Variants in FAT1 observed in about 807,000 individuals in gnomAD.
The protein encoded by FAT1 is protocadherin Fat 1.
FAT1 carries 171 observed loss-of-function variants against 329.8 expected under a neutral mutation model. That is an observed-to-expected ratio of 0.52 (90% confidence interval 0.46 to 0.59). The LOEUF is 0.59. FAT1 is among the 20% of genes least tolerant of loss of function. The pLI, the probability that FAT1 is intolerant of heterozygous loss-of-function variation, is 0.00. For synonymous variants in FAT1, 2,233 were observed against 2,228.6 expected (o/e 1.00, Z -0.06); for missense variants, 5,672 against 5,774.4 (o/e 0.98, Z 0.57).
chr4:186,698,726 G>C (rs1744153250), intron 2 of FAT1, among the ~76,000 whole-genome samples: 1 of 152,252 alleles, frequency 6.6e-6, no homozygotes, highest in Non-Finnish European at 1.5e-5. Flanking sequence ...TTAAATGGGA[G>C]AGCAGGGAGG....
intron 2 of FAT1, among the ~76,000 whole-genome samples, chr4:186,671,304 A>G (rs919375437): frequency 6.6e-6 from 1 of 152,200 alleles, no homozygotes; most frequent in Non-Finnish European, 1.5e-5. Context: ...TTTACTGTAA[A>G]ATAATAAAAA....
intron 26 of FAT1, among the ~76,000 whole-genome samples, chr4:186,593,224 C>T (rs981811468): frequency 6.6e-6 from 1 of 152,060 alleles, no homozygotes; most frequent in Non-Finnish European, 1.5e-5. Flanking sequence ...TGTTTTTGTC[C>T]CTGTTCTGAT....
intron 13 of FAT1, among the ~76,000 whole-genome samples, chr4:186,612,332 T>C (rs1447361399): frequency 5.3e-5 from 8 of 152,244 alleles, no homozygotes; most frequent in African/African-American, 1.9e-4. Context: ...ATCACATCTG[T>C]TTATCATTGA....
In FAT1 at chr4:186,639,792, T is replaced by C; in HGVS notation, c.3581-9A>G. On this transcript the variant is annotated splice_polypyrimidine_tract_variant and intron_variant, in intron 3 of 26. Coordinates refer to ENST00000441802, the MANE Select transcript of FAT1 (RefSeq NM_005245.4). ...CGTAGTTGTGATGAGACCTGTAAAA[T>C]GATAACAGTTCATTAATCCTCACAA... 3.1e-6 allele frequency: 5 copies of C among 1,607,064 alleles called. No homozygotes were observed. The highest frequency in any genetic ancestry group is 3.4e-6 in the Non-Finnish European group (4 of 1,174,750).
intron 11 of FAT1, 40 bp downstream of exon 11, chr4:186,616,965 G>C (rs1453393796): frequency 6.4e-7 from 1 of 1,555,644 alleles, no homozygotes; most frequent in Middle Eastern, 1.7e-4. Context: ...TTAAGAAATT[G>C]AAATTCATAA....
chr4:186,714,994 C>T (rs768517990), intron 1 of FAT1, among the ~76,000 whole-genome samples: 6 of 152,052 alleles, frequency 3.9e-5, no homozygotes, highest in East Asian at 1.9e-4. Flanking sequence ...AGGAGAATCG[C>T]GTGAACAAGG....
chr4:186,674,525 AC>A (rs1332399624), intron 2 of FAT1, among the ~76,000 whole-genome samples: 34 of 152,328 alleles, frequency 2.2e-4, no homozygotes, highest in African/African-American at 7.7e-4. Flanking sequence ...AACAGGCAAC[AC>A]ATCCACCAAG....
chr4:186,616,714 C>T (rs896977258), intron 11 of FAT1, among the ~76,000 whole-genome samples: 2 of 152,132 alleles, frequency 1.3e-5, no homozygotes, highest in Non-Finnish European at 2.9e-5. Context: ...AGCTGTATCC[C>T]CATATTAAGA....
chr4:186,712,820 T>C lies in FAT1; in HGVS notation c.-18-2975A>G, dbSNP rs552901031. On this transcript the variant is annotated intron_variant, in intron 1 of 26. Coordinates refer to ENST00000441802, the MANE Select transcript of FAT1 (RefSeq NM_005245.4). The stretch of plus-strand genomic sequence containing the variant: ...CAGCTGTGATGACTAAAAATACCTC[T>C]ATCTCGAGACATTGCCAAACACCCT... Among the ~76,000 whole-genome samples the C allele has an allele frequency of 5.0e-5, 5 of 100,884 alleles. No individual in the cohort carries two copies. In the South Asian group the frequency reaches 2.0e-3, roughly 41 times the overall value. 66.2% of individuals were successfully genotyped at this position (100,884 alleles called of 152,430 possible). A position where few individuals can be genotyped will look rare whatever the true frequency, so the allele number is the denominator to read the frequency against.
intron 3 of FAT1, among the ~76,000 whole-genome samples, chr4:186,660,306 C>A (rs1742109921): frequency 6.6e-6 from 1 of 152,124 alleles, no homozygotes; most frequent in Non-Finnish European, 1.5e-5. Context: ...GGATCACACC[C>A]CAACTTTCTG....
At chr4:186,669,182 T>C (rs1001351405) in intron 2 of FAT1, among the ~76,000 whole-genome samples, 3 of 152,170 alleles carry the variant, frequency 2.0e-5, no homozygotes, top group African/African-American at 4.8e-5. Context: ...AAACACAGCA[T>C]GCGGCCAGAA....
At chr4:186,611,818 AGTT>A in intron 13 of FAT1, 43 bp from the exon 14 acceptor site, 1 of 1,478,238 alleles carries the variant, frequency 6.8e-7, no homozygotes, top group Non-Finnish European at 9.1e-7. Context: ...TAAATAAAAA[AGTT>A]TAACACTTTT....
intron 9 of FAT1, 134 bp downstream of exon 9, chr4:186,628,020 G>T: frequency 2.2e-6 from 2 of 921,868 alleles, no homozygotes; most frequent in Non-Finnish European, 3.2e-6. Flanking sequence ...ATGTAAAATT[G>T]TATCTAGAGA....
chr4:186,707,875 T>G lies in FAT1; in HGVS notation c.1953A>C (p.Glu651Asp), dbSNP rs1270552627. ...HSLRITATDG[E>D]NFATPLYINI... is the part of the protein sequence containing the mutation. The stretch of plus-strand genomic sequence containing the variant: ...TGATATATAATGGTGTGGCAAAATT[T>G]TCTCCATCTGTAGCTGTGATTCTCA... Residue 651 changes from glutamate to aspartate, a missense_variant, in exon 2 of 27, where the codon GAA becomes GAC. Glu to Asp is a conservative substitution (Grantham distance 45, BLOSUM62 2). Around this residue, in one of 2 missense-constraint regions of FAT1, gnomAD observed 3,966 missense variants for 3,915.2 expected, o/e 1.01. Transcript: ENST00000441802. 3 of 1,613,854 alleles carry G rather than the reference T, an allele frequency of 1.9e-6. No homozygotes were observed. The highest frequency in any genetic ancestry group is 2.5e-6 in the Non-Finnish European group (3 of 1,179,916).
At chr4:186,631,105 C>A (rs1740562615) in intron 7 of FAT1, among the ~76,000 whole-genome samples, 1 of 152,182 alleles carries the variant, frequency 6.6e-6, no homozygotes, top group Non-Finnish European at 1.5e-5. Context: ...CTCACCTAAA[C>A]CTTCTCAAAT....
chr4:186,659,706 C>T (rs571754876), intron 3 of FAT1, among the ~76,000 whole-genome samples: 5,569 of 140,704 alleles, frequency 0.04, 108 homozygotes, highest in Middle Eastern at 0.087. Context: ...CGACGCTGGG[C>T]GCTCCTGCAC....
At chr4:186,712,193 T>C (rs1056532431) in intron 1 of FAT1, among the ~76,000 whole-genome samples, 6 of 152,346 alleles carry the variant, frequency 3.9e-5, no homozygotes, top group Admixed American at 3.3e-4. Flanking sequence ...TTTATGTTTA[T>C]TTAAAAGAGA....
rs541077124 is a variant in FAT1, at chr4:186,599,943, T to C, written c.12058A>G (p.Asn4020Asp). 6.2e-7 allele frequency: 1 copy of C among 1,613,898 alleles called. No individual in the cohort carries two copies. The highest frequency in any genetic ancestry group is 1.3e-5 in the African/African-American group (1 of 75,062). ...FLTATEDCASNPCQNGGVCNP... is the reference protein window; with the variant it reads ...FLTATEDCASDPCQNGGVCNP... ...CAAACGCCTCCATTCTGGCAAGGGT[T>C]GCTGGCGCAGTCTTCCGTGGCCGTC... Residue 4020 changes from asparagine to aspartate, a missense_variant, in exon 22 of 27, where the codon AAC becomes GAC. By Grantham distance (23) the Asn-to-Asp change is conservative (BLOSUM62 1). Around this residue, in one of 2 missense-constraint regions of FAT1, gnomAD observed 1,706 missense variants for 1,859.1 expected, o/e 0.92. Transcript: ENST00000441802.
intron 1 of FAT1, among the ~76,000 whole-genome samples, chr4:186,711,937 A>C (rs1364833234): frequency 1.4e-4 from 21 of 152,074 alleles, no homozygotes; most frequent in Admixed American, 1.4e-3. Flanking sequence ...AAAAAACAAA[A>C]CCAGAAACAC....
Sources: allele counts gnomAD v4.1 joint callset (sites outside exome capture counted in the v4.1 genomes callset), GRCh38; gene constraint gnomAD v4.1.1; regional missense constraint gnomAD v4.1.1; transcripts MANE v1.5; gene names NCBI Gene and HGNC (gene_info 2026-07-23, HGNC 2026-07-21).